Variants in VAPB observed in about 807,000 individuals in gnomAD.
The protein encoded by VAPB is vesicle-associated membrane protein-associated protein B/C.
A neutral mutation model predicts 25.6 loss-of-function variants in VAPB; 7 were observed. The ratio of observed to expected loss-of-function variants is 0.27; its 90% CI spans 0.16 to 0.51. VAPB has a LOEUF of 0.51. VAPB is among the 20% of genes least tolerant of loss of function. The pLI is 0.97. For missense variants in VAPB, 266 were observed against 301.3 expected (o/e 0.88, Z 0.87); for synonymous variants, 112 against 109.2 (o/e 1.03, Z -0.16).
intron 1 of VAPB, among the ~76,000 whole-genome samples, chr20:58,415,084 C>G (rs1036055024): frequency 2.0e-5 from 3 of 150,338 alleles, no homozygotes; most frequent in Non-Finnish European, 3.0e-5. Flanking sequence ...CGTGGCGGCG[C>G]GAGCCTGCAA....
rs753621260 is a variant in VAPB, at chr20:58,450,947, A to G, written c.*6712A>G. On this transcript the variant is annotated 3_prime_UTR_variant, in exon 6 of 6. Transcript: ENST00000475243. ...ATGTTTCCCAGAGAGAAGGAGATGTATTTCTGCAGGGTCCAGACCAAAAGA... is the reference window on the plus strand; with the variant it reads ...ATGTTTCCCAGAGAGAAGGAGATGTGTTTCTGCAGGGTCCAGACCAAAAGA... The G allele has an allele frequency of 2.2e-6, 1 of 454,096 alleles. No individual in the cohort carries two copies. The highest frequency in any genetic ancestry group is 2.3e-5 in the Admixed American group (1 of 42,578). The allele number at this position is 454,096 out of a possible 1,614,324, so 28.1% of individuals were successfully genotyped here. A position where few individuals can be genotyped will look rare whatever the true frequency, so the allele number is the denominator to read the frequency against.
At chr20:58,439,309 G>GTA in intron 4 of VAPB, 1 of 434,168 alleles carries the variant, frequency 2.3e-6, no homozygotes. Context: ...CCTGGCAAAG[G>GTA]TATAGGTTGC....
rs1002403333 is a variant in VAPB, at chr20:58,448,824, C to T, written c.*4589C>T. On this transcript the variant is annotated 3_prime_UTR_variant, in exon 6 of 6. Transcript: ENST00000475243. The stretch of plus-strand genomic sequence containing the variant: ...CCATTTTCTCATTGCCTGAAGATCT[C>T]TGCTGATGCTCCTGGAGAATGACTT... 2.2e-6 allele frequency: 1 copy of T among 453,992 alleles called. No individual in the cohort carries two copies. The highest frequency in any genetic ancestry group is 2.0e-5 in the African/African-American group (1 of 49,998). The allele number at this position is 453,992 out of a possible 1,614,324, so 28.1% of individuals were successfully genotyped here. A position where few individuals can be genotyped will look rare whatever the true frequency, so the allele number is the denominator to read the frequency against.
intron 2 of VAPB, among the ~76,000 whole-genome samples, chr20:58,428,445 G>GT (rs1988855764): frequency 1.3e-5 from 2 of 152,080 alleles, no homozygotes; most frequent in Admixed American, 1.3e-4. Flanking sequence ...TTGGTGTAGC[G>GT]TAACAGTGCT....
chr20:58,408,918 C>G (rs960780637), intron 1 of VAPB, among the ~76,000 whole-genome samples: 1 of 147,782 alleles, frequency 6.8e-6, no homozygotes, highest in African/African-American at 2.5e-5. Flanking sequence ...GCCCCCCACT[C>G]CATGTGGAAA....
intron 2 of VAPB, among the ~76,000 whole-genome samples, chr20:58,425,978 C>G (rs994168753): frequency 1.3e-5 from 2 of 152,158 alleles, no homozygotes; most frequent in South Asian, 4.1e-4. Flanking sequence ...CTGCAACCTC[C>G]ACCTCCTGGG....
At chr20:58,412,359 C>T (rs1309909006) in intron 1 of VAPB, among the ~76,000 whole-genome samples, 4 of 152,116 alleles carry the variant, frequency 2.6e-5, no homozygotes, top group African/African-American at 9.7e-5. Flanking sequence ...GTGGGTGGAT[C>T]ATTTGAGGTC....
chr20:58,422,672 T>C (rs1419179421), intron 2 of VAPB, among the ~76,000 whole-genome samples: 1 of 152,146 alleles, frequency 6.6e-6, no homozygotes, highest in Admixed American at 6.6e-5. Flanking sequence ...CAAACCATGT[T>C]TGCCAGCGGA....
rs1373249693 is a variant in VAPB at position 58,448,976 on chromosome 20, C to A, written c.*4741C>A. ...GGGCAGTTGATTAAAATTGGTATTA[C>A]AGAAGGGCCCTGCTGAGGTTTGAAA... On this transcript the variant is annotated 3_prime_UTR_variant, in exon 6 of 6. Coordinates refer to ENST00000475243, the MANE Select transcript of VAPB (RefSeq NM_004738.5). 1 of 454,138 alleles carries A rather than the reference C, an allele frequency of 2.2e-6. No homozygotes were observed. The highest frequency in any genetic ancestry group is 1.6e-5 in the South Asian group (1 of 64,480). The allele number at this position is 454,138 out of a possible 1,614,324, so 28.1% of individuals were successfully genotyped here. A position where few individuals can be genotyped will look rare whatever the true frequency, so the allele number is the denominator to read the frequency against.
rs1272768117 is a variant in VAPB at position 58,446,307 on chromosome 20, A to G, written c.*2072A>G. 1 of 454,014 alleles carries G rather than the reference A, an allele frequency of 2.2e-6. No individual in the cohort carries two copies. Among genetic ancestry groups the G allele is most frequent in the Admixed American group, 2.3e-5 (1 of 42,560 alleles). 28.1% of individuals were successfully genotyped at this position (454,014 alleles called of 1,614,324 possible). On this transcript the variant is annotated 3_prime_UTR_variant, in exon 6 of 6. Transcript: ENST00000475243. ...TCCGTGAGGGGACTAAAATTTACTA[A>G]TTGTAGTTGCTGCAGCCAGTTAAGT...
intron 1 of VAPB, among the ~76,000 whole-genome samples, chr20:58,395,933 T>A (rs1224490143): frequency 6.6e-6 from 1 of 152,182 alleles, no homozygotes; most frequent in Non-Finnish European, 1.5e-5. Flanking sequence ...AATAACTGAA[T>A]GTGGTAAAAT....
chr20:58,398,942 T>G (rs1386022531), intron 1 of VAPB, among the ~76,000 whole-genome samples: 2 of 151,852 alleles, frequency 1.3e-5, no homozygotes, highest in African/African-American at 2.4e-5. Context: ...TTATTTATTA[T>G]GTTAGGAAGA....
intron 2 of VAPB, among the ~76,000 whole-genome samples, chr20:58,424,826 A>G (rs1173642625): frequency 1.2e-4 from 19 of 152,234 alleles, no homozygotes; most frequent in Admixed American, 1.2e-3. Flanking sequence ...AAGACAGAAT[A>G]CACGAACTGG....
chr20:58,392,050 G>A (rs1012536978), intron 1 of VAPB, among the ~76,000 whole-genome samples: 5 of 152,180 alleles, frequency 3.3e-5, no homozygotes, highest in Non-Finnish European at 5.9e-5. Context: ...TGTCTAATAT[G>A]TTATGGAAAG....
chr20:58,427,667 T>C (rs1029947344), intron 2 of VAPB, among the ~76,000 whole-genome samples: 20 of 152,094 alleles, frequency 1.3e-4, no homozygotes, highest in African/African-American at 4.8e-4. Flanking sequence ...CAGGCAGAAG[T>C]GATCTGTGAT....
chr20:58,427,696 A>C (rs1988832163), intron 2 of VAPB, among the ~76,000 whole-genome samples: 1 of 151,826 alleles, frequency 6.6e-6, no homozygotes, highest in Non-Finnish European at 1.5e-5. Flanking sequence ...ATTATGCTGC[A>C]GATGAAAGTG....
rs1416772532 is a variant in VAPB at position 58,446,670 on chromosome 20, GTC to G, written c.*2442_*2443del. 8.8e-6 allele frequency: 4 copies of G among 453,978 alleles called. No homozygotes were observed. The highest frequency in any genetic ancestry group is 4.0e-5 in the African/African-American group (2 of 49,988). 28.1% of individuals were successfully genotyped at this position (453,978 alleles called of 1,614,324 possible). A position where few individuals can be genotyped will look rare whatever the true frequency, so the allele number is the denominator to read the frequency against. ...TTGCAGCTAAAAATCAGTCTCTGAA[GTC>G]TCTCTCCCTTCTAGAGGTTAGGACT... is the stretch of plus-strand genomic sequence containing the variant. On this transcript the variant is annotated 3_prime_UTR_variant, in exon 6 of 6. Coordinates refer to ENST00000475243, the MANE Select transcript of VAPB (RefSeq NM_004738.5).
chr20:58,445,194 A>C lies in VAPB; in HGVS notation c.*959A>C, dbSNP rs1422493892. 1 of 454,082 alleles carries C rather than the reference A, an allele frequency of 2.2e-6. No individual in the cohort carries two copies. Among genetic ancestry groups the C allele is most frequent in the Non-Finnish European group, 4.4e-6 (1 of 226,804 alleles). 28.1% of individuals were successfully genotyped at this position (454,082 alleles called of 1,614,324 possible). On this transcript the variant is annotated 3_prime_UTR_variant, in exon 6 of 6. Transcript: ENST00000475243. ...AGGGAGGGAAATTCTCAGTAGTGAC[A>C]GTCAACTCTAGGTTACCTTTTTTAA...
rs143902869 is a variant in VAPB at position 58,446,827 on chromosome 20, G to T, written c.*2592G>T. 6.6e-6 allele frequency: 3 copies of T among 453,968 alleles called. No individual in the cohort carries two copies. The highest frequency in any genetic ancestry group is 6.9e-5 in the East Asian group (1 of 14,412). 28.1% of individuals were successfully genotyped at this position (453,968 alleles called of 1,614,324 possible). ...GGCAGCCAAAAATGTGCCAGGAAAA[G>T]AAAGAATGTGGAGCACGCGTGGCTC... On this transcript the variant is annotated 3_prime_UTR_variant, in exon 6 of 6. Coordinates refer to ENST00000475243, the MANE Select transcript of VAPB (RefSeq NM_004738.5).
Sources: gnomAD v4.1 joint callset for allele counts (sites outside exome capture counted in the v4.1 genomes callset) on GRCh38, gnomAD v4.1.1 for gene constraint, MANE v1.5 for transcripts, NCBI Gene and HGNC (gene_info 2026-07-23, HGNC 2026-07-21) for gene names.